The following PIEZO2 variants were observed in gnomAD, a reference collection of about 807,000 sequenced individuals.
The protein encoded by PIEZO2 is piezo-type mechanosensitive ion channel component 2.
PIEZO2 carries 172 observed loss-of-function variants against 337.3 expected under a neutral mutation model. The ratio of observed to expected loss-of-function variants is 0.51; its 90% confidence interval spans 0.45 to 0.58. PIEZO2 has a LOEUF of 0.58. Ranked by LOEUF, PIEZO2 falls within the 20% of genes least tolerant of loss-of-function variation. PIEZO2 has a pLI of 0.00. For missense variants in PIEZO2, 3,028 were observed against 3,391.3 expected (o/e 0.89, Z 2.66); for synonymous variants, 1,251 against 1,228.5 (o/e 1.02, Z -0.38).
chr18:10,824,999 G>C lies in PIEZO2; in HGVS notation c.918-17725C>G, dbSNP rs2040625795. ...CTGCCTCAGCCTCCCGAGTAGCTGG[G>C]ACTACAGGAACCCGCCACCATGCCT... is the stretch of plus-strand genomic sequence containing the variant. On this transcript the variant is annotated intron_variant, in intron 7 of 55. Coordinates refer to ENST00000674853, the MANE Select transcript of PIEZO2 (RefSeq NM_001378183.1). The surrounding 1 kb of genome is among the most constrained non-coding windows in gnomAD (Gnocchi z 4.4). 6.6e-6 allele frequency among the ~76,000 whole-genome samples: 1 copy of C among 151,956 alleles called. No homozygotes were observed. The highest frequency in any genetic ancestry group is 2.1e-4 in the South Asian group (1 of 4,812).
intron 2 of PIEZO2, among the ~76,000 whole-genome samples, chr18:11,020,329 T>C (rs888959239): frequency 6.6e-6 from 1 of 152,232 alleles, no homozygotes; most frequent in South Asian, 2.1e-4. Flanking sequence ...ATGCTCTTGC[T>C]GATTCCACAG....
rs1486104228 is a variant in PIEZO2 at position 11,047,252 on chromosome 18, C to T, written c.160+18875G>A. Among the ~76,000 whole-genome samples the T allele has an allele frequency of 6.6e-6, 1 of 152,108 alleles. No homozygotes were observed. Among genetic ancestry groups the T allele is most frequent in the African/African-American group, 2.4e-5 (1 of 41,432 alleles). On this transcript the variant is annotated intron_variant, in intron 2 of 55. Coordinates refer to ENST00000674853, the MANE Select transcript of PIEZO2 (RefSeq NM_001378183.1). The surrounding 1 kb of genome is among the most constrained non-coding windows in gnomAD (Gnocchi z 7.2). The stretch of plus-strand genomic sequence containing the variant: ...CTTGTCCGAGCTGTTGGATGGTCAG[C>T]TAAGGTTGTGGATACAGACACAGTG...
At chr18:11,145,366 A>C (rs987258047) in intron 1 of PIEZO2, among the ~76,000 whole-genome samples, 24 of 152,034 alleles carry the variant, frequency 1.6e-4, no homozygotes, top group African/African-American at 5.8e-4. Context: ...AAAAGAAAAA[A>C]AATCTGTAAC....
At chr18:11,052,916 AC>A (rs2037582707) in intron 2 of PIEZO2, among the ~76,000 whole-genome samples, 1 of 152,104 alleles carries the variant, frequency 6.6e-6, no homozygotes, top group Non-Finnish European at 1.5e-5. Flanking sequence ...GTATCAGCCA[AC>A]AAGTATTTAT....
intron 3 of PIEZO2, among the ~76,000 whole-genome samples, chr18:10,926,309 A>G (rs1568206313): frequency 1.3e-5 from 2 of 152,204 alleles, no homozygotes; most frequent in Admixed American, 6.5e-5. Context: ...GGCATCGCCC[A>G]TGGTAGGAGT....
At chr18:10,876,035 C>T (rs2042259664) in intron 4 of PIEZO2, among the ~76,000 whole-genome samples, 1 of 152,204 alleles carries the variant, frequency 6.6e-6, no homozygotes, top group South Asian at 2.1e-4. Context: ...ATAATACTGC[C>T]ATTGCAGAAA....
chr18:10,732,849 T>C (rs1322264181), intron 35 of PIEZO2, among the ~76,000 whole-genome samples: 1 of 152,208 alleles, frequency 6.6e-6, no homozygotes, highest in Non-Finnish European at 1.5e-5. Context: ...CTCTGCACAA[T>C]ATTGATTGCT....
chr18:10,705,732 C>T lies in PIEZO2; in HGVS notation c.5603G>A (p.Cys1868Tyr), dbSNP rs1320975105. The change falls in exon 41 of 56, where the codon TGT (cysteine) becomes TAT (tyrosine). Residue 1868 changes from cysteine (C) to tyrosine (Y), a missense_variant. Around this residue, in one of 5 missense-constraint regions of PIEZO2, gnomAD observed 1,925 missense variants for 2,051.9 expected, o/e 0.94. Transcript: ENST00000674853. ...GSLASSEPTQ[C>Y]TMLYSRQGTT... The stretch of plus-strand genomic sequence containing the variant: ...CCCCTGGCGTGAGTACAGCATGGTA[C>T]ACTGCGTGGGCTCGCTGTTGGGAGA... 2 of 1,530,378 alleles carry T rather than the reference C, an allele frequency of 1.3e-6. No individual in the cohort carries two copies. Among genetic ancestry groups the T allele is most frequent in the Non-Finnish European group, 1.8e-6 (2 of 1,142,692 alleles). The allele number at this position is 1,530,378 out of a possible 1,614,324, so 94.8% of individuals were successfully genotyped here.
At chr18:10,731,006 A>G (rs180749636) in intron 36 of PIEZO2, among the ~76,000 whole-genome samples, 11 of 152,046 alleles carry the variant, frequency 7.2e-5, no homozygotes, top group East Asian at 1.9e-4. Context: ...GATTACAGGC[A>G]TGAGCCACCG....
chr18:11,017,476 G>A (rs565542678), intron 2 of PIEZO2, among the ~76,000 whole-genome samples: 2 of 131,860 alleles, frequency 1.5e-5, no homozygotes, highest in Admixed American at 1.5e-4. Flanking sequence ...TTGAGATGCA[G>A]TTTTGCTTTT....
chr18:10,795,058 C>G lies in PIEZO2; in HGVS notation c.1528-56G>C. The stretch of plus-strand genomic sequence containing the variant: ...TGGTCAATACAATGCTCAGTCCCCC[C>G]CGCCCTGGTAAGGTAAAAACTATCT... On this transcript the variant is annotated intron_variant, in intron 12 of 55. Coordinates refer to ENST00000674853, the MANE Select transcript of PIEZO2 (RefSeq NM_001378183.1). This position sits in a 1 kb window ranked among gnomAD's most constrained non-coding sequence, Gnocchi z 4.4. 2 of 1,390,354 alleles carry G rather than the reference C, an allele frequency of 1.4e-6. No individual in the cohort carries two copies. The highest frequency in any genetic ancestry group is 2.0e-6 in the Non-Finnish European group (2 of 1,013,888). The allele number at this position is 1,390,354 out of a possible 1,614,324, so 86.1% of individuals were successfully genotyped here.
At chr18:10,771,956 G>C (rs1446568576) in intron 20 of PIEZO2, among the ~76,000 whole-genome samples, 1 of 152,140 alleles carries the variant, frequency 6.6e-6, no homozygotes, top group African/African-American at 2.4e-5. Flanking sequence ...CTTTCTAATG[G>C]CTCCAAGTGA....
intron 42 of PIEZO2, among the ~76,000 whole-genome samples, chr18:10,704,068 G>A (rs186630485): frequency 5.9e-5 from 9 of 152,206 alleles, no homozygotes; most frequent in Admixed American, 2.6e-4. Flanking sequence ...GGCTTCAAAC[G>A]TGTACCCACC....
chr18:10,950,106 GGCAGTACCCTATATATTTTAATGA>G (rs2033223714), intron 3 of PIEZO2, among the ~76,000 whole-genome samples: 2 of 152,250 alleles, frequency 1.3e-5, no homozygotes, highest in Admixed American at 6.5e-5. Flanking sequence ...TAAAAATGTT[GGCAGTACCCTATATATTTTAATGA>G]GGGTTAATAT....
chr18:11,018,382 C>CGTGTGTGTGTGTGTGTGTGTGT (rs376013388), intron 2 of PIEZO2, among the ~76,000 whole-genome samples: 3 of 114,200 alleles, frequency 2.6e-5, no homozygotes, highest in East Asian at 5.5e-4. Context: ...CCCAACATGT[C>CGTGTGTGTGTGTGTGTGTGTGT]GTGTGTGTGT....
chr18:11,049,016 C>T (rs759122671), intron 2 of PIEZO2, among the ~76,000 whole-genome samples: 7 of 152,130 alleles, frequency 4.6e-5, no homozygotes, highest in Non-Finnish European at 1.0e-4. Context: ...TAGTCTCGTC[C>T]AGGCTTTGAA....
chr18:10,728,422 T>C (rs1363084163), intron 36 of PIEZO2: 2 of 152,236 alleles, frequency 1.3e-5, no homozygotes, highest in South Asian at 2.1e-4. Context: ...ATATATATTA[T>C]GACGTATAAA....
chr18:10,671,677 A>T lies in PIEZO2; in HGVS notation c.8448T>A (p.Asn2816Lys). 1 of 1,614,060 alleles carries T rather than the reference A, an allele frequency of 6.2e-7. No individual in the cohort carries two copies. Among genetic ancestry groups the T allele is most frequent in the South Asian group, 1.1e-5 (1 of 91,078 alleles). ...TGCACAACTTCAAAATTCGATCCAC[A>T]TTTGGAAGCTCTTCAAACATGATGG... is the stretch of plus-strand genomic sequence containing the variant. Reference protein sequence around the residue: ...SHSIMFEELPNVDRILKLCTD... With the variant: ...SHSIMFEELPKVDRILKLCTD... The change falls in exon 56 of 56, where the codon AAT (asparagine) becomes AAA (lysine). Residue 2816 changes from asparagine (N) to lysine (K), a missense_variant. Asn to Lys is a moderately conservative substitution (Grantham distance 94, BLOSUM62 0). Transcript: ENST00000674853.
chr18:10,912,106 A>G (rs3912479), intron 3 of PIEZO2, among the ~76,000 whole-genome samples: 2 of 152,100 alleles, frequency 1.3e-5, no homozygotes, highest in Non-Finnish European at 2.9e-5. Flanking sequence ...CAAAAATGCT[A>G]TTCCAACTGA....
Sources: gnomAD v4.1 joint callset for allele counts (sites outside exome capture counted in the v4.1 genomes callset) on GRCh38, gnomAD v4.1.1 for gene constraint, gnomAD v4.1.1 regional missense constraint, Gnocchi (gnomAD v3.1) non-coding constraint, MANE v1.5 for transcripts, NCBI Gene and HGNC (gene_info 2026-07-23, HGNC 2026-07-21) for gene names.